The following ANKRD17 variants were observed in gnomAD, a reference collection of about 807,000 sequenced individuals.
ANKRD17 encodes ankyrin repeat domain-containing protein 17.
A neutral mutation model predicts 229.7 loss-of-function variants in ANKRD17; 19 were observed. That is an observed-to-expected ratio of 0.08 (90% CI 0.06 to 0.12). The LOEUF is 0.12. Among genes scored for constraint, ANKRD17 ranks in the 10% least tolerant of loss-of-function variants. The pLI, the probability that ANKRD17 is intolerant of heterozygous loss-of-function variation, is 1.00. For synonymous variants in ANKRD17, 1,112 were observed against 1,146.1 expected (o/e 0.97, Z 0.60); for missense variants, 2,176 against 3,176.8 (o/e 0.68, Z 7.57).
rs1428561585 is a variant in ANKRD17 at position 73,075,127 on chromosome 4, G to GA, written c.*1103dup. On this transcript the variant is annotated 3_prime_UTR_variant, in exon 34 of 34. Coordinates refer to ENST00000358602, the MANE Select transcript of ANKRD17 (RefSeq NM_032217.5). ...AAAAAAGCAGGAAGCCTTTAAAATTGAAAAAAGAAATAAGATATTTTCCAC... is the reference window on the plus strand; with the variant it reads ...AAAAAAGCAGGAAGCCTTTAAAATTGAAAAAAAGAAATAAGATATTTTCCAC... The GA allele has an allele frequency of 3.3e-5, 5 of 151,872 alleles. No homozygotes were observed. The highest frequency in any genetic ancestry group is 5.9e-5 in the Non-Finnish European group (4 of 67,868). The allele number at this position is 151,872 out of a possible 1,614,324, so 9.4% of individuals were successfully genotyped here. A position where few individuals can be genotyped will look rare whatever the true frequency, so the allele number is the denominator to read the frequency against.
At chr4:73,216,828 T>C (rs1741119523) in intron 1 of ANKRD17, among the ~76,000 whole-genome samples, 2 of 152,212 alleles carry the variant, frequency 1.3e-5, no homozygotes, top group African/African-American at 4.8e-5. Flanking sequence ...AAGACTAAAT[T>C]ATTAATGGCC....
rs1723545030 is a variant in ANKRD17 at position 73,098,293 on chromosome 4, C to T, written c.4801G>A (p.Gly1601Arg). Residue 1601 changes from glycine (G) to arginine (R), a missense_variant, in exon 26 of 34, where the codon GGA becomes AGA. This residue lies in a region of ANKRD17 where 105 missense variants were observed against 118.3 expected (regional missense o/e 0.89). Transcript: ENST00000358602. The stretch of plus-strand genomic sequence containing the variant: ...CTGGTACTGCTGCTCTTGGACTCTC[C>T]ATTCACCTTCTCTGGCTGACTGTAT... ...ISYSQPEKVN[G>R]ESKSSSTSES... 1.2e-6 allele frequency: 2 copies of T among 1,614,224 alleles called. No individual in the cohort carries two copies. The highest frequency in any genetic ancestry group is 1.7e-6 in the Non-Finnish European group (2 of 1,180,048).
At chr4:73,246,401 G>C (rs1288328283) in intron 1 of ANKRD17, among the ~76,000 whole-genome samples, 2 of 152,152 alleles carry the variant, frequency 1.3e-5, no homozygotes, top group Non-Finnish European at 2.9e-5. Context: ...TGAATTAGGA[G>C]GAAAAGCATT....
At chr4:73,216,205 ATAAT>A (rs1426252995) in intron 1 of ANKRD17, among the ~76,000 whole-genome samples, 1 of 152,232 alleles carries the variant, frequency 6.6e-6, no homozygotes, top group African/African-American at 2.4e-5. Context: ...CTTTTGGAAA[ATAAT>A]TATTTTTTTA....
At chr4:73,161,600 T>G (rs148757161) in intron 2 of ANKRD17, among the ~76,000 whole-genome samples, 1 of 152,216 alleles carries the variant, frequency 6.6e-6, no homozygotes, top group East Asian at 1.9e-4. Context: ...CTTTGGCCTA[T>G]GATGGGACAA....
chr4:73,094,060 G>A lies in ANKRD17; in HGVS notation c.5327+19C>T. ...GTGCAATAAAATAAAGGAAGAAAAT[G>A]TAAGAGACAAAGTTTTGCCTTATAG... On this transcript the variant is annotated intron_variant, in intron 28 of 33. Transcript: ENST00000358602. The A allele has an allele frequency of 1.9e-6, 3 of 1,610,534 alleles. No homozygotes were observed. Among genetic ancestry groups the A allele is most frequent in the African/African-American group, 1.3e-5 (1 of 74,946 alleles).
Position 73,142,636 on chromosome 4 carries a change from A to G in ANKRD17, c.2085+4T>C, listed in dbSNP as rs538818699. On this transcript the variant is annotated splice_donor_region_variant and intron_variant, in intron 12 of 33. Transcript: ENST00000358602. Reference sequence around the variant, plus strand: ...AATTCTGCACAAACATTTGAGTTACATACTTTCAAACGGTGAGTAGGATCT... The same window carrying G: ...AATTCTGCACAAACATTTGAGTTACGTACTTTCAAACGGTGAGTAGGATCT... 36 of 1,613,914 alleles carry G rather than the reference A, an allele frequency of 2.2e-5. 1 individual carries two copies. The South Asian group carries it at 3.7e-4, about 17-fold the overall frequency.
intron 1 of ANKRD17, among the ~76,000 whole-genome samples, chr4:73,199,771 A>G (rs1738401149): frequency 6.6e-6 from 1 of 152,220 alleles, no homozygotes; most frequent in Admixed American, 6.5e-5. Context: ...TAATAACTTC[A>G]TCTGTCTTTT....
At chr4:73,088,819 C>T (rs1174633853) in intron 29 of ANKRD17, among the ~76,000 whole-genome samples, 1 of 152,074 alleles carries the variant, frequency 6.6e-6, no homozygotes, top group Non-Finnish European at 1.5e-5. Context: ...TGTCATATTT[C>T]CAATAACACA....
Position 73,121,637 on chromosome 4 carries a change from T to C in ANKRD17, c.3615A>G (p.Ala1205=), listed in dbSNP as rs142676632. The change falls in exon 19 of 34, where the codon GCA becomes GCG. Residue 1205 remains alanine, a synonymous_variant. Transcript: ENST00000358602. ...YVNIIKILLN[A]GAEINSRTGS... ...CTTGCCTAGAGTTAATCTCAGCTCCTGCATTTAGTAATATTTTGATGATGT... is the reference window on the plus strand; with the variant it reads ...CTTGCCTAGAGTTAATCTCAGCTCCCGCATTTAGTAATATTTTGATGATGT... The C allele has an allele frequency of 5.6e-6, 9 of 1,613,594 alleles. No individual in the cohort carries two copies. Among genetic ancestry groups the C allele is most frequent in the African/African-American group, 1.3e-5 (1 of 74,908 alleles).
chr4:73,145,355 C>G (rs1406311600), intron 10 of ANKRD17, among the ~76,000 whole-genome samples: 1 of 152,032 alleles, frequency 6.6e-6, no homozygotes, highest in Non-Finnish European at 1.5e-5. Flanking sequence ...AAAATGATAA[C>G]AAACTTTTCT....
chr4:73,114,624 G>A (rs772874220), intron 23 of ANKRD17, among the ~76,000 whole-genome samples: 1 of 151,892 alleles, frequency 6.6e-6, no homozygotes, highest in Non-Finnish European at 1.5e-5. Flanking sequence ...CTACAGCTGT[G>A]TGCCACTGAA....
chr4:73,230,486 A>T (rs1324073507), intron 1 of ANKRD17, among the ~76,000 whole-genome samples: 1 of 152,196 alleles, frequency 6.6e-6, no homozygotes. Context: ...TGGAGACAGA[A>T]TGGCAAATAA....
chr4:73,188,052 A>G (rs1736529678), intron 1 of ANKRD17, among the ~76,000 whole-genome samples: 1 of 152,152 alleles, frequency 6.6e-6, no homozygotes, highest in Non-Finnish European at 1.5e-5. Context: ...AAACCTGATC[A>G]TATCTTAAGC....
intron 1 of ANKRD17, 45 bp downstream of exon 1, chr4:73,258,231 C>T (rs1179491369): frequency 1.2e-6 from 2 of 1,612,526 alleles, no homozygotes; most frequent in South Asian, 1.1e-5. Flanking sequence ...GCCCCTATCC[C>T]TTACAGTCCC....
rs529359502 is a variant in ANKRD17, at chr4:73,183,611, A to G, written c.394-6078T>C. On this transcript the variant is annotated intron_variant, in intron 1 of 33. Transcript: ENST00000358602. Reference sequence around the variant, plus strand: ...CCTTCAGCCTCCGGAGTAGCTGGAAATACAGGCGCATGATACCAGGCCCAC... The same window carrying G: ...CCTTCAGCCTCCGGAGTAGCTGGAAGTACAGGCGCATGATACCAGGCCCAC... Among the ~76,000 whole-genome samples the G allele has an allele frequency of 6.0e-4, 92 of 152,146 alleles. 1 individual carries two copies. In the South Asian group the frequency reaches 0.016, roughly 26 times the overall value.
intron 1 of ANKRD17, among the ~76,000 whole-genome samples, chr4:73,240,850 C>T (rs114940654): frequency 0.011 from 1,661 of 148,910 alleles, 14 homozygotes; most frequent in Non-Finnish European, 0.019. Context: ...GCTCTGACAC[C>T]CAGGTTGGCG....
intron 1 of ANKRD17, among the ~76,000 whole-genome samples, chr4:73,220,934 T>C (rs1560749966): frequency 1.3e-5 from 2 of 152,234 alleles, no homozygotes; most frequent in Non-Finnish European, 2.9e-5. Context: ...AATATATTTT[T>C]CTGGAAAGCT....
At chr4:73,188,218 T>G (rs570778492) in intron 1 of ANKRD17, among the ~76,000 whole-genome samples, 18 of 152,192 alleles carry the variant, frequency 1.2e-4, no homozygotes, top group African/African-American at 1.9e-4. Context: ...CTATTAACTC[T>G]CAGAATACAG....
Sources: gnomAD v4.1 joint callset for allele counts (sites outside exome capture counted in the v4.1 genomes callset) on GRCh38, gnomAD v4.1.1 for gene constraint, gnomAD v4.1.1 regional missense constraint, MANE v1.5 for transcripts, NCBI Gene and HGNC (gene_info 2026-07-23, HGNC 2026-07-21) for gene names.